The following MITF variants were observed in gnomAD, a reference collection of about 807,000 sequenced individuals.
MITF encodes the protein microphthalmia-associated transcription factor.
A neutral mutation model predicts 60.5 loss-of-function variants in MITF; 17 were observed. That is an observed-to-expected ratio of 0.28 (90% CI 0.19 to 0.42). The LOEUF is 0.42. Ranked by LOEUF, MITF falls within the 10% of genes least tolerant of loss-of-function variation. MITF has a pLI of 1.00. For synonymous variants in MITF, 260 were observed against 248.5 expected, an observed-to-expected ratio of 1.05 and a Z score of -0.43; for missense variants, 622 against 683.5, an observed-to-expected ratio of 0.91 and a Z score of 1.00.
At chr3:69,774,787 C>T (rs569262166) in intron 1 of MITF, among the ~76,000 whole-genome samples, 86 of 152,150 alleles carry the variant, frequency 5.7e-4, no homozygotes, top group Middle Eastern at 3.4e-3. Context: ...CCGTGGCTCT[C>T]GGAAGGAGGA....
intron 1 of MITF, among the ~76,000 whole-genome samples, chr3:69,794,245 T>A (rs1248253906): frequency 6.6e-6 from 1 of 152,234 alleles, no homozygotes; most frequent in Non-Finnish European, 1.5e-5. Context: ...TTATTTAAGT[T>A]TCTTCACATT....
At chr3:69,888,845 T>C (rs1421983176) in intron 2 of MITF, among the ~76,000 whole-genome samples, 1 of 151,984 alleles carries the variant, frequency 6.6e-6, no homozygotes, top group Admixed American at 6.6e-5. Flanking sequence ...TTTACTGGGC[T>C]TTCTTTTCTG....
At chr3:69,754,041 C>T (rs953119766) in intron 1 of MITF, among the ~76,000 whole-genome samples, 2 of 152,028 alleles carry the variant, frequency 1.3e-5, no homozygotes, top group Non-Finnish European at 2.9e-5. Context: ...AATCTGTGTC[C>T]CCACCAAATC....
intron 1 of MITF, among the ~76,000 whole-genome samples, chr3:69,830,582 A>G (rs2063429944): frequency 6.6e-6 from 1 of 152,144 alleles, no homozygotes; most frequent in African/African-American, 2.4e-5. Flanking sequence ...TATCAGGTTT[A>G]TCATTAGAAT....
intron 5 of MITF, among the ~76,000 whole-genome samples, chr3:69,943,976 C>T (rs958394841): frequency 6.6e-6 from 1 of 152,014 alleles, no homozygotes. Context: ...TACCTATAGT[C>T]CTAGCTACTC....
At chr3:69,796,718 G>A (rs2062837335) in intron 1 of MITF, among the ~76,000 whole-genome samples, 1 of 151,576 alleles carries the variant, frequency 6.6e-6, no homozygotes, top group Non-Finnish European at 1.5e-5. Flanking sequence ...TTGTTAGCCA[G>A]GATGGTCTCG....
At chr3:69,774,434 T>A (rs557459531) in intron 1 of MITF, among the ~76,000 whole-genome samples, 1 of 152,340 alleles carries the variant, frequency 6.6e-6, no homozygotes, top group South Asian at 2.1e-4. Context: ...GTACCCCAGG[T>A]AGCAGGATGG....
At chr3:69,887,821 A>G (rs928350551) in intron 2 of MITF, among the ~76,000 whole-genome samples, 3 of 151,980 alleles carry the variant, frequency 2.0e-5, no homozygotes, top group Non-Finnish European at 4.4e-5. Context: ...GATTTTTACT[A>G]GGAGAGCATA....
At chr3:69,856,594 C>G (rs975251051) in intron 1 of MITF, among the ~76,000 whole-genome samples, 5 of 152,070 alleles carry the variant, frequency 3.3e-5, no homozygotes, top group African/African-American at 1.2e-4. Context: ...ATCTTGTATC[C>G]CACACTTTGG....
chr3:69,786,651 A>C (rs1423311368), intron 1 of MITF, among the ~76,000 whole-genome samples: 1 of 152,004 alleles, frequency 6.6e-6, no homozygotes, highest in Admixed American at 6.6e-5. Context: ...TATGGATTTT[A>C]TATAAGACTG....
At chr3:69,763,699 G>A in intron 1 of MITF, 5 of 1,303,500 alleles carry the variant, frequency 3.8e-6, no homozygotes, top group Non-Finnish European at 5.0e-6. Context: ...CCTGGTGAGT[G>A]TTTTCAGCTC....
chr3:69,840,077 T>G (rs1419470249), intron 1 of MITF, among the ~76,000 whole-genome samples: 1 of 152,176 alleles, frequency 6.6e-6, no homozygotes, highest in Non-Finnish European at 1.5e-5. Flanking sequence ...AAGGGTATAT[T>G]ATGGAATAGA....
chr3:69,739,727 C>T (rs1431677553), intron 1 of MITF, 26 bp downstream of exon 1: 11 of 1,522,762 alleles, frequency 7.2e-6, no homozygotes, highest in African/African-American at 1.4e-5. Context: ...TGGGCAGAGG[C>T]GCACCGGGCG....
At chr3:69,890,736 G>A (rs1426709592) in intron 2 of MITF, among the ~76,000 whole-genome samples, 2 of 152,088 alleles carry the variant, frequency 1.3e-5, no homozygotes. Context: ...TGTTTTGATA[G>A]TAATTTTCAA....
intron 1 of MITF, among the ~76,000 whole-genome samples, chr3:69,783,226 A>C (rs55947901): frequency 0.22 from 33,386 of 151,978 alleles, 3,913 homozygotes; most frequent in East Asian, 0.48. Flanking sequence ...GTATCCTCTG[A>C]CAGATTGTGG....
intron 1 of MITF, among the ~76,000 whole-genome samples, chr3:69,871,927 T>G (rs2064246977): frequency 6.6e-6 from 1 of 152,238 alleles, no homozygotes; most frequent in African/African-American, 2.4e-5. Context: ...CATGCCGTAT[T>G]AATTACTTTA....
chr3:69,758,304 G>A (rs1177864601), intron 1 of MITF, among the ~76,000 whole-genome samples: 1 of 151,476 alleles, frequency 6.6e-6, no homozygotes, highest in Non-Finnish European at 1.5e-5. Context: ...CAGGTAGCTG[G>A]GACTACAGGT....
rs1178539354 is a variant in MITF, at chr3:69,965,497, A to T, written c.*249A>T. 2.6e-6 allele frequency: 1 copy of T among 380,158 alleles called. No homozygotes were observed. The highest frequency in any genetic ancestry group is 4.8e-6 in the Non-Finnish European group (1 of 209,488). The allele number at this position is 380,158 out of a possible 1,614,324, so 23.5% of individuals were successfully genotyped here. On this transcript the variant is annotated 3_prime_UTR_variant, in exon 10 of 10. Transcript: ENST00000352241. ...TGTGCAGTATCTGTGAACTGAATTC[A>T]CCACAGACTTTAGCTTTCTGAGCAA...
At chr3:69,769,238 A>G (rs998574394) in intron 1 of MITF, among the ~76,000 whole-genome samples, 4 of 152,140 alleles carry the variant, frequency 2.6e-5, no homozygotes, top group Non-Finnish European at 4.4e-5. Flanking sequence ...TGATGATGAT[A>G]ATAATAATTA....
Sources: allele counts gnomAD v4.1 joint callset (sites outside exome capture counted in the v4.1 genomes callset), GRCh38; gene constraint gnomAD v4.1.1; transcripts MANE v1.5; gene names NCBI Gene and HGNC (gene_info 2026-07-23, HGNC 2026-07-21).